Variants in KLHL2 observed in about 807,000 individuals in gnomAD.
The protein encoded by KLHL2 is kelch-like protein 2.
KLHL2 carries 15 observed loss-of-function variants against 75.8 expected under a neutral mutation model. The observed-to-expected ratio is 0.20, with a 90% CI of 0.13 to 0.30. The LOEUF (loss-of-function observed/expected upper bound fraction) is 0.30, where lower values mean the gene tolerates loss of function less well. Ranked by LOEUF, KLHL2 falls within the 10% of genes least tolerant of loss-of-function variation. KLHL2 has a pLI of 1.00. For synonymous variants in KLHL2, 214 were observed against 251.9 expected (o/e 0.85, Z 1.42); for missense variants, 381 against 741.0 (o/e 0.51, Z 5.64).
intron 4 of KLHL2, among the ~76,000 whole-genome samples, chr4:165,253,608 C>T (rs1368527798): frequency 6.6e-6 from 1 of 152,132 alleles, no homozygotes; most frequent in African/African-American, 2.4e-5. Context: ...TAAGTTATAA[C>T]AAATGTACAC....
At chr4:165,211,879 G>A (rs187779677) in intron 1 of KLHL2, among the ~76,000 whole-genome samples, 5 of 152,296 alleles carry the variant, frequency 3.3e-5, no homozygotes, top group African/African-American at 9.6e-5. Flanking sequence ...TGTTTCTGAT[G>A]TACATGGTAG....
At chr4:165,285,784 A>G (rs1185912839) in intron 5 of KLHL2, among the ~76,000 whole-genome samples, 1 of 115,574 alleles carries the variant, frequency 8.7e-6, no homozygotes, top group Non-Finnish European at 1.9e-5. Flanking sequence ...TTTTAATCAC[A>G]TAATAGAGGG....
chr4:165,294,592 A>G, intron 6 of KLHL2, 124 bp downstream of exon 6: 1 of 498,460 alleles, frequency 2.0e-6, no homozygotes, highest in Non-Finnish European at 3.6e-6. Context: ...TTCAACTGGA[A>G]GTTAAGAAAC....
chr4:165,256,967 T>C (rs1209632626), intron 4 of KLHL2, among the ~76,000 whole-genome samples: 3 of 152,226 alleles, frequency 2.0e-5, no homozygotes, highest in Non-Finnish European at 4.4e-5. Flanking sequence ...ACTGTATCTC[T>C]TTTAAGAGCT....
chr4:165,208,132 C>T (rs976802858), intron 1 of KLHL2, among the ~76,000 whole-genome samples: 4 of 151,968 alleles, frequency 2.6e-5, no homozygotes, highest in Non-Finnish European at 5.9e-5. Flanking sequence ...GAAGGGTCTT[C>T]CCCATCTCGG....
chr4:165,246,626 T>C (rs1286800167), intron 4 of KLHL2, among the ~76,000 whole-genome samples: 2 of 152,196 alleles, frequency 1.3e-5, no homozygotes, highest in Non-Finnish European at 2.9e-5. Context: ...AGGAGAATGA[T>C]CAAGAATGGC....
chr4:165,223,320 G>A (rs534776901), intron 2 of KLHL2, among the ~76,000 whole-genome samples: 137 of 152,326 alleles, frequency 9.0e-4, no homozygotes, highest in African/African-American at 3.2e-3. Flanking sequence ...ATACAGAGAG[G>A]AGGATGAGGC....
intron 1 of KLHL2, among the ~76,000 whole-genome samples, chr4:165,210,445 C>T (rs1737129581): frequency 6.6e-6 from 1 of 152,136 alleles, no homozygotes; most frequent in Non-Finnish European, 1.5e-5. Flanking sequence ...TCCTTGCCTC[C>T]AACTTTCATC....
chr4:165,243,425 A>G (rs191305573), intron 4 of KLHL2, among the ~76,000 whole-genome samples: 65 of 152,352 alleles, frequency 4.3e-4, no homozygotes, highest in Admixed American at 2.0e-4. Context: ...GATTCTTTCC[A>G]TATTAGAACT....
chr4:165,264,682 ATGTGTG>A (rs760543186), intron 5 of KLHL2, among the ~76,000 whole-genome samples: 4 of 68,704 alleles, frequency 5.8e-5, no homozygotes, highest in African/African-American at 9.7e-5. Flanking sequence ...ACGTATATGT[ATGTGTG>A]TGTGTGTGTG....
In KLHL2 at chr4:165,322,111, A is replaced by G; in HGVS notation, c.*51A>G. 1 of 1,526,332 alleles carries G rather than the reference A, an allele frequency of 6.6e-7. No individual in the cohort carries two copies. The highest frequency in any genetic ancestry group is 9.1e-7 in the Non-Finnish European group (1 of 1,100,282). 94.5% of individuals were successfully genotyped at this position (1,526,332 alleles called of 1,614,324 possible). A position where few individuals can be genotyped will look rare whatever the true frequency, so the allele number is the denominator to read the frequency against. ...TATACATGAGAAACAGCCTTCAACA[A>G]GTATTTGTGAAGTGACTGAGAATCT... On this transcript the variant is annotated 3_prime_UTR_variant, in exon 15 of 15. Transcript: ENST00000226725.
chr4:165,234,613 A>ATTT (rs1186473633), intron 3 of KLHL2, among the ~76,000 whole-genome samples: 7,643 of 115,080 alleles, frequency 0.066, 276 homozygotes, highest in African/African-American at 0.08. Context: ...TTGAGTTGGA[A>ATTT]TTTTTTTTTT....
At chr4:165,294,494 G>A (rs1310746902) in intron 6 of KLHL2, 26 bp downstream of exon 6, 4 of 1,242,176 alleles carry the variant, frequency 3.2e-6, no homozygotes, top group Non-Finnish European at 4.6e-6. Context: ...TTTTCCCAGT[G>A]TGCAATGATG....
chr4:165,261,190 C>A (rs1421793033), intron 4 of KLHL2, among the ~76,000 whole-genome samples: 2 of 152,076 alleles, frequency 1.3e-5, no homozygotes, highest in Non-Finnish European at 2.9e-5. Flanking sequence ...TGCTTCAGAG[C>A]GCAATTACAC....
At chr4:165,245,221 C>CA (rs917717400) in intron 4 of KLHL2, among the ~76,000 whole-genome samples, 2 of 151,378 alleles carry the variant, frequency 1.3e-5, no homozygotes, top group East Asian at 1.9e-4. Flanking sequence ...ATAACAACAA[C>CA]AAAAAAAACT....
intron 5 of KLHL2, among the ~76,000 whole-genome samples, chr4:165,285,156 A>T (rs1041411265): frequency 6.6e-6 from 1 of 152,212 alleles, no homozygotes; most frequent in Non-Finnish European, 1.5e-5. Context: ...CTACAGCCAG[A>T]TAACCATTTA....
intron 4 of KLHL2, among the ~76,000 whole-genome samples, chr4:165,258,907 AATC>A: frequency 6.6e-6 from 1 of 152,306 alleles, no homozygotes; most frequent in East Asian, 1.9e-4. Flanking sequence ...GATCACTTGT[AATC>A]ATTTGTGGGC....
intron 1 of KLHL2, chr4:165,210,209 T>C: frequency 1.9e-6 from 3 of 1,545,924 alleles, no homozygotes; most frequent in African/African-American, 2.7e-5. Context: ...ATTCATTCAA[T>C]GTGCAAATAT....
chr4:165,264,333 T>C (rs963375980), intron 5 of KLHL2, among the ~76,000 whole-genome samples: 10 of 151,756 alleles, frequency 6.6e-5, no homozygotes, highest in Non-Finnish European at 1.5e-4. Context: ...TAGTAGACAT[T>C]GTACTCTAAT....
Sources: gnomAD v4.1 joint callset for allele counts (sites outside exome capture counted in the v4.1 genomes callset) on GRCh38, gnomAD v4.1.1 for gene constraint, MANE v1.5 for transcripts, NCBI Gene and HGNC (gene_info 2026-07-23, HGNC 2026-07-21) for gene names.